The following N4BP2L2 variants were observed in gnomAD, a reference collection of about 807,000 sequenced individuals.
The protein encoded by N4BP2L2 is NEDD4-binding protein 2-like 2.
In N4BP2L2, 50 loss-of-function variants were observed where a neutral mutation model predicts 56.2. That is an observed-to-expected ratio of 0.89 (90% CI 0.71 to 1.13). N4BP2L2 has a LOEUF of 1.13. Ranked by LOEUF, N4BP2L2 falls within the 50% of genes most tolerant of loss-of-function variation. N4BP2L2 has a pLI of 0.00. For synonymous variants in N4BP2L2, 203 were observed against 223.6 expected (o/e 0.91, Z 0.82); for missense variants, 689 against 693.8 (o/e 0.99, Z 0.08).
chr13:32,508,935 C>T (rs1593963668), downstream of N4BP2L2: 1 of 152,102 alleles, frequency 6.6e-6, no homozygotes, highest in East Asian at 1.9e-4. Context: ...AAGCGAAAAA[C>T]CTTAAAAGAA....
chr13:32,535,893 C>T (rs1298953810), exon 2 of N4BP2L2: 2 of 1,613,976 alleles, frequency 1.2e-6, no homozygotes, highest in Non-Finnish European at 1.7e-6. Flanking sequence ...TTATGCTTGT[C>T]CATACAATGA....
At position 32,504,713 on chromosome 13, in the gene N4BP2L2, C is replaced by T. The variant is rs148526895; in HGVS notation, c.365+13144G>A. ...GTCTTGACCCATTTCAGTATCAACT[C>T]TAAGCCCCAAATCTCATCTAAATAT... On this transcript the variant is annotated intron_variant, in intron 6 of 9. Transcript: ENST00000357505. 9.1e-4 allele frequency: 139 copies of T among 152,306 alleles called. 2 individuals carry two copies. Among genetic ancestry groups the T allele is most frequent in the African/African-American group, 3.3e-3 (138 of 41,570 alleles). The allele number at this position is 152,306 out of a possible 1,614,324, so 9.4% of individuals were successfully genotyped here. A position where few individuals can be genotyped will look rare whatever the true frequency, so the allele number is the denominator to read the frequency against.
intron 6 of N4BP2L2, among the ~76,000 whole-genome samples, chr13:32,449,694 T>C (rs1021676265): frequency 3.3e-5 from 5 of 152,216 alleles, no homozygotes; most frequent in African/African-American, 4.8e-5. Context: ...ACATAGTGGG[T>C]ACTTCATAAA....
downstream of N4BP2L2, chr13:32,506,494 C>A (rs1319617584): frequency 6.6e-6 from 1 of 152,168 alleles, no homozygotes; most frequent in Non-Finnish European, 1.5e-5. Context: ...AGCCACCATG[C>A]TAGCTGATGA....
chr13:32,515,703 C>T (rs544024340), exon 6 of N4BP2L2: 3 of 152,150 alleles, frequency 2.0e-5, no homozygotes, highest in African/African-American at 7.2e-5. Flanking sequence ...TAATACTCTA[C>T]TTTCCAAAAA....
chr13:32,522,289 T>A lies in N4BP2L2; in HGVS notation c.1385-19A>T. 2.1e-6 allele frequency: 3 copies of A among 1,439,352 alleles called. No individual in the cohort carries two copies. Among genetic ancestry groups the A allele is most frequent in the Middle Eastern group, 4.0e-4 (2 of 5,028 alleles). 89.2% of individuals were successfully genotyped at this position (1,439,352 alleles called of 1,614,324 possible). A position where few individuals can be genotyped will look rare whatever the true frequency, so the allele number is the denominator to read the frequency against. On this transcript the variant is annotated intron_variant, in intron 3 of 5. Transcript: ENST00000267068. ...TGTTTTGCTGAAATAAAATATAAAT[T>A]TAAAAATAAAAAAACAAATTAGGTT...
chr13:32,453,247 C>G (rs2078403571), intron 6 of N4BP2L2, among the ~76,000 whole-genome samples: 1 of 152,108 alleles, frequency 6.6e-6, no homozygotes, highest in Non-Finnish European at 1.5e-5. Context: ...CAGAGGGAGA[C>G]TTTGTCTTCA....
chr13:32,469,487 G>A (rs914157201), intron 6 of N4BP2L2, among the ~76,000 whole-genome samples: 5 of 152,206 alleles, frequency 3.3e-5, no homozygotes, highest in African/African-American at 1.2e-4. Flanking sequence ...GCGCAGGGAG[G>A]AGGAAGAACC....
downstream of N4BP2L2, chr13:32,509,124 T>A (rs917835726): frequency 2.6e-5 from 4 of 152,122 alleles, no homozygotes; most frequent in South Asian, 2.1e-4. Flanking sequence ...GGTCTGGAAA[T>A]CCTTTCCCCA....
At chr13:32,445,975 C>T (rs969010497) in intron 6 of N4BP2L2, among the ~76,000 whole-genome samples, 1 of 152,058 alleles carries the variant, frequency 6.6e-6, no homozygotes, top group Non-Finnish European at 1.5e-5. Flanking sequence ...AGAGGAAGGA[C>T]AATTGACACC....
At chr13:32,436,377 A>AT in exon 9 of N4BP2L2, 1 of 1,227,444 alleles carries the variant, frequency 8.1e-7, no homozygotes, top group Non-Finnish European at 1.1e-6. Flanking sequence ...AGGAATTTTC[A>AT]TTTTTCAACC....
intron 6 of N4BP2L2, among the ~76,000 whole-genome samples, chr13:32,487,236 T>A (rs1846526824): frequency 1.3e-5 from 2 of 151,872 alleles, no homozygotes; most frequent in South Asian, 4.2e-4. Flanking sequence ...CTACTCTGGA[T>A]GCTGAGGCAA....
intron 7 of N4BP2L2, among the ~76,000 whole-genome samples, chr13:32,440,080 T>G (rs2076082163): frequency 6.6e-6 from 1 of 151,752 alleles, no homozygotes; most frequent in African/African-American, 2.4e-5. Context: ...AGTCAAGATG[T>G]AATTATTCAC....
chr13:32,433,669 G>A (rs1323719080), intron 9 of N4BP2L2, among the ~76,000 whole-genome samples: 2 of 151,520 alleles, frequency 1.3e-5, no homozygotes, highest in East Asian at 3.9e-4. Context: ...GCTCATGCCT[G>A]TAATCCCAGC....
At chr13:32,474,080 A>C (rs1301235852) in intron 6 of N4BP2L2, among the ~76,000 whole-genome samples, 1 of 152,244 alleles carries the variant, frequency 6.6e-6, no homozygotes, top group African/African-American at 2.4e-5. Flanking sequence ...GTTATGAAAG[A>C]AAATGCCTTT....
intron 7 of N4BP2L2, among the ~76,000 whole-genome samples, chr13:32,442,036 A>T (rs1310167252): frequency 6.6e-6 from 1 of 152,238 alleles, no homozygotes; most frequent in African/African-American, 2.4e-5. Flanking sequence ...AGATCACGCC[A>T]CTGCGCTACA....
chr13:32,526,818 G>GTTTTTTTTTTTTCTTTTTT (rs2053017027), intron 3 of N4BP2L2: 1 of 24,236 alleles, frequency 4.1e-5, no homozygotes, highest in Admixed American at 5.9e-4. Flanking sequence ...CTTTTTGTCT[G>GTTTTTTTTTTTTCTTTTTT]TTTTTTTTTT....
intron 6 of N4BP2L2, chr13:32,446,644 C>CTTTCTTTG: frequency 1.9e-6 from 1 of 518,352 alleles, no homozygotes; most frequent in Non-Finnish European, 2.5e-6. Flanking sequence ...GAACAGCTCT[C>CTTTCTTTG]TACTGTACAA....
At chr13:32,517,555 C>G in exon 6 of N4BP2L2, 1 of 1,247,456 alleles carries the variant, frequency 8.0e-7, no homozygotes, top group Non-Finnish European at 1.0e-6. Context: ...ACCCACCACT[C>G]TATTACTCAG....
Sources: gnomAD v4.1 joint callset for allele counts (sites outside exome capture counted in the v4.1 genomes callset) on GRCh38, gnomAD v4.1.1 for gene constraint, MANE v1.5 for transcripts, NCBI Gene and HGNC (gene_info 2026-07-23, HGNC 2026-07-21) for gene names.